The following SH2D4A variants were observed in gnomAD, a reference collection of about 807,000 sequenced individuals.
The protein encoded by SH2D4A is SH2 domain-containing protein 4A.
A neutral mutation model predicts 64.7 loss-of-function variants in SH2D4A; 70 were observed. The ratio of observed to expected loss-of-function variants is 1.08; its 90% CI spans 0.89 to 1.32. The LOEUF (loss-of-function observed/expected upper bound fraction) is 1.32. Ranked by LOEUF, SH2D4A falls within the 40% of genes most tolerant of loss-of-function variation. The probability of loss-of-function intolerance (pLI) is 0.00; values close to 1 mark genes in which losing one functional copy is unlikely to be tolerated. For missense variants in SH2D4A, 706 were observed against 540.1 expected, an observed-to-expected ratio of 1.31 and a Z score of -3.04; for synonymous variants, 268 against 200.7, an observed-to-expected ratio of 1.34 and a Z score of -2.83.
At chr8:19,341,450 C>A (rs2052527622) in intron 4 of SH2D4A, among the ~76,000 whole-genome samples, 1 of 152,130 alleles carries the variant, frequency 6.6e-6, no homozygotes, top group Non-Finnish European at 1.5e-5. Context: ...AAAGAACAAT[C>A]AGTCTTCCAG....
intron 8 of SH2D4A, among the ~76,000 whole-genome samples, chr8:19,377,876 C>T (rs56125605): frequency 0.04 from 6,042 of 152,220 alleles, 185 homozygotes; most frequent in Non-Finnish European, 0.066. Context: ...TTTAGTTACA[C>T]TGCATATTGC....
intron 4 of SH2D4A, among the ~76,000 whole-genome samples, chr8:19,347,785 G>C (rs567943797): frequency 6.6e-6 from 1 of 152,306 alleles, no homozygotes; most frequent in African/African-American, 2.4e-5. Context: ...AAGCCTTGTA[G>C]CTGGCAGATT....
Position 19,319,608 on chromosome 8 carries a change from G to A in SH2D4A, c.61G>A (p.Glu21Lys), listed in dbSNP as rs377558496. 61 of 1,608,716 alleles carry A rather than the reference G, an allele frequency of 3.8e-5. No homozygotes were observed. The highest frequency in any genetic ancestry group is 1.7e-4 in the Middle Eastern group (1 of 6,060). The change falls in exon 2 of 10, where the codon GAA becomes AAA. Residue 21 changes from glutamate (E) to lysine (K), a missense_variant. By Grantham distance (56) the Glu-to-Lys change is moderately conservative. Transcript: ENST00000265807. The stretch of plus-strand genomic sequence containing the variant: ...TCCTGATCTACTGGCAGAGCTCAGC[G>A]AAGAACAGAAACAGATCCTGTTCTT... ...IDPDLLAELS[E>K]EQKQILFFKM... is the part of the protein sequence containing the mutation.
chr8:19,381,461 AGT>A (rs1213487068), intron 8 of SH2D4A, among the ~76,000 whole-genome samples: 1 of 152,046 alleles, frequency 6.6e-6, no homozygotes, highest in Non-Finnish European at 1.5e-5. Context: ...TCCTTCTCAG[AGT>A]GTTGTTAGTG....
At chr8:19,372,232 T>G (rs1419482564) in intron 7 of SH2D4A, among the ~76,000 whole-genome samples, 1 of 152,190 alleles carries the variant, frequency 6.6e-6, no homozygotes, top group Non-Finnish European at 1.5e-5. Context: ...CCTGAGCCTG[T>G]GACCACTGCA....
chr8:19,339,495 C>CTTTTTTTTTT (rs5889867), intron 4 of SH2D4A, among the ~76,000 whole-genome samples: 3 of 129,026 alleles, frequency 2.3e-5, no homozygotes, highest in East Asian at 2.3e-4. Flanking sequence ...TATAAACTTT[C>CTTTTTTTTTT]TTTTTTTTTT....
intron 7 of SH2D4A, among the ~76,000 whole-genome samples, chr8:19,366,593 G>A (rs540390890): frequency 2.6e-5 from 4 of 152,226 alleles, no homozygotes; most frequent in Middle Eastern, 3.4e-3. Flanking sequence ...TCAGGAGTTC[G>A]AGACCAGCCC....
chr8:19,380,333 C>G (rs1413725061), intron 8 of SH2D4A, among the ~76,000 whole-genome samples: 1 of 152,096 alleles, frequency 6.6e-6, no homozygotes, highest in African/African-American at 2.4e-5. Flanking sequence ...CCTTTTTACT[C>G]TGTTGAGAGT....
chr8:19,378,905 T>A (rs2053240612), intron 8 of SH2D4A, among the ~76,000 whole-genome samples: 1 of 93,894 alleles, frequency 1.1e-5, no homozygotes, highest in Non-Finnish European at 2.1e-5. Flanking sequence ...CAACACCCCA[T>A]CTCTCCAAAA....
intron 8 of SH2D4A, among the ~76,000 whole-genome samples, chr8:19,383,651 T>C (rs2053336954): frequency 6.6e-6 from 1 of 152,160 alleles, no homozygotes; most frequent in Non-Finnish European, 1.5e-5. Context: ...TTTGTTTTTA[T>C]TGTTATAGGC....
rs1223476825 is a variant in SH2D4A at position 19,359,176 on chromosome 8, T to A, written c.594+1893T>A. 2.0e-5 allele frequency among the ~76,000 whole-genome samples: 3 copies of A among 152,200 alleles called. No individual in the cohort carries two copies. The East Asian group carries it at 5.8e-4, about 29-fold the overall frequency. ...TGAATAAATACGGTGGTCAGGGCCG[T>A]ATATAGATGGGTAATAGCAGATCTC... On this transcript the variant is annotated intron_variant, in intron 5 of 9. Coordinates refer to ENST00000265807, the MANE Select transcript of SH2D4A (RefSeq NM_022071.4).
At chr8:19,385,528 T>C (rs1443616490) in intron 8 of SH2D4A, among the ~76,000 whole-genome samples, 2 of 152,154 alleles carry the variant, frequency 1.3e-5, no homozygotes, top group Non-Finnish European at 2.9e-5. Flanking sequence ...ATTTCTTCCA[T>C]TTTTTGATAC....
intron 1 of SH2D4A, among the ~76,000 whole-genome samples, chr8:19,317,468 G>A (rs753694008): frequency 2.1e-4 from 32 of 149,578 alleles, no homozygotes; most frequent in Non-Finnish European, 4.1e-4. Flanking sequence ...GTTGAATGCT[G>A]CCGAGATGAT....
At chr8:19,373,311 A>G (rs1205417542) in intron 7 of SH2D4A, among the ~76,000 whole-genome samples, 1 of 148,876 alleles carries the variant, frequency 6.7e-6, no homozygotes, top group Non-Finnish European at 1.5e-5. Flanking sequence ...TCTCCCTCCC[A>G]TTCTCTCTCT....
intron 8 of SH2D4A, among the ~76,000 whole-genome samples, chr8:19,383,851 T>C (rs949048876): frequency 2.0e-5 from 3 of 152,194 alleles, no homozygotes; most frequent in Admixed American, 1.3e-4. Flanking sequence ...ATTTTTAAAA[T>C]GTAATCACTA....
chr8:19,375,656 G>C (rs550725238), intron 8 of SH2D4A: 1 of 152,094 alleles, frequency 6.6e-6, no homozygotes, highest in Non-Finnish European at 1.5e-5. Flanking sequence ...GCAGAGAAGA[G>C]AACAGAGTGT....
At chr8:19,393,705 C>T (rs1019616646) in intron 9 of SH2D4A, among the ~76,000 whole-genome samples, 164 bp downstream of exon 9, 17 of 152,320 alleles carry the variant, frequency 1.1e-4, no homozygotes, top group Admixed American at 3.3e-4. Flanking sequence ...GATTGTTAAT[C>T]ACATTTCATT....
chr8:19,314,001 G>T, intron 1 of SH2D4A, 178 bp downstream of exon 1: 1 of 1,222,768 alleles, frequency 8.2e-7, no homozygotes. Flanking sequence ...GCTCAGGTGC[G>T]GGGTTGGGCG....
chr8:19,329,336 CT>C (rs899530795), intron 2 of SH2D4A, among the ~76,000 whole-genome samples: 3 of 151,990 alleles, frequency 2.0e-5, no homozygotes, highest in East Asian at 1.9e-4. Flanking sequence ...GGACTTAGTT[CT>C]TTTTTTTAAG....
Sources: allele counts gnomAD v4.1 joint callset (sites outside exome capture counted in the v4.1 genomes callset), GRCh38; gene constraint gnomAD v4.1.1; transcripts MANE v1.5; gene names NCBI Gene and HGNC (gene_info 2026-07-23, HGNC 2026-07-21).